The following PTPDC1 variants were observed in gnomAD, a reference collection of about 807,000 sequenced individuals.
PTPDC1 encodes protein tyrosine phosphatase domain containing 1, also known as protein tyrosine phosphatase domain-containing protein 1.
Under a neutral mutation model 75.3 loss-of-function variants are expected in PTPDC1, and 53 were observed. The ratio of observed to expected loss-of-function variants is 0.70; its 90% CI spans 0.56 to 0.88. The LOEUF is 0.88. Among genes scored for constraint, PTPDC1 ranks in the 40% least tolerant of loss-of-function variants. The pLI is 0.00. For synonymous variants in PTPDC1, 349 were observed against 366.2 expected (o/e 0.95, Z 0.54); for missense variants, 925 against 998.6 (o/e 0.93, Z 0.99).
intron 2 of PTPDC1, among the ~76,000 whole-genome samples, chr9:94,066,115 T>C (rs1826297004): frequency 6.6e-6 from 1 of 152,122 alleles, no homozygotes; most frequent in South Asian, 2.1e-4. Flanking sequence ...CCCCTACCAC[T>C]AAATCCAGTA....
rs138286067 is a variant in PTPDC1, at chr9:94,106,628, G to T, written c.2311-1200G>T. 5.9e-5 allele frequency among the ~76,000 whole-genome samples: 9 copies of T among 152,316 alleles called. No homozygotes were observed. The East Asian group carries it at 1.7e-3, about 29-fold the overall frequency. On this transcript the variant is annotated intron_variant, in intron 8 of 8. Coordinates refer to ENST00000620992, the MANE Select transcript of PTPDC1 (RefSeq NM_001253829.2). ...ATCTTCTACCAGTATCCATAACACT[G>T]GCAAGCTAACAGGTTAAGGTCTCAG...
intron 1 of PTPDC1, among the ~76,000 whole-genome samples, chr9:94,057,197 G>A (rs1825968593): frequency 6.6e-6 from 1 of 152,064 alleles, no homozygotes; most frequent in Non-Finnish European, 1.5e-5. Context: ...TCCCACCTCA[G>A]CCTCCCAAGT....
At chr9:94,046,651 G>C (rs1441595826) in intron 1 of PTPDC1, among the ~76,000 whole-genome samples, 1 of 152,130 alleles carries the variant, frequency 6.6e-6, no homozygotes, top group Non-Finnish European at 1.5e-5. Context: ...CTGTTTATCT[G>C]TTATTGGTGT....
At chr9:94,064,938 G>A in intron 2 of PTPDC1, 1 of 728,406 alleles carries the variant, frequency 1.4e-6, no homozygotes, top group Non-Finnish European at 2.2e-6. Flanking sequence ...ATCCCAGGTT[G>A]CAAGTATTAC....
intron 2 of PTPDC1, among the ~76,000 whole-genome samples, chr9:94,072,092 C>T (rs2117907989): frequency 6.6e-6 from 1 of 152,236 alleles, no homozygotes; most frequent in East Asian, 1.9e-4. Context: ...ACTGTAACCT[C>T]CACCTCCCAG....
intron 5 of PTPDC1, among the ~76,000 whole-genome samples, chr9:94,095,894 A>G (rs998083154): frequency 1.3e-5 from 2 of 152,234 alleles, no homozygotes; most frequent in Non-Finnish European, 2.9e-5. Context: ...AGTCTTTAGC[A>G]ACAATGTGAG....
At chr9:94,080,181 T>A (rs1826830804), upstream of PTPDC1, among the ~76,000 whole-genome samples, 1 of 152,122 alleles carries the variant, frequency 6.6e-6, no homozygotes, top group African/African-American at 2.4e-5. Context: ...CCAGATGGGA[T>A]GAGAGAGGCA....
chr9:94,095,732 C>G (rs1258676855), intron 5 of PTPDC1, among the ~76,000 whole-genome samples: 1 of 152,088 alleles, frequency 6.6e-6, no homozygotes, highest in Admixed American at 6.5e-5. Flanking sequence ...CTGATCTGAT[C>G]ACTATACATT....
intron 3 of PTPDC1, 62 bp from the exon 4 acceptor site, chr9:94,088,083 A>C: frequency 6.3e-7 from 1 of 1,579,754 alleles, no homozygotes; most frequent in Admixed American, 1.9e-5. Flanking sequence ...TTAATACCAA[A>C]AATGGTTAAT....
chr9:94,031,596 C>T (rs1381189057), intron 1 of PTPDC1, among the ~76,000 whole-genome samples: 1 of 152,072 alleles, frequency 6.6e-6, no homozygotes, highest in Non-Finnish European at 1.5e-5. Flanking sequence ...ATTTATCTCT[C>T]GGACATGCAT....
intron 1 of PTPDC1, among the ~76,000 whole-genome samples, chr9:94,050,980 G>C (rs1825772987): frequency 6.6e-6 from 1 of 152,202 alleles, no homozygotes; most frequent in Admixed American, 6.5e-5. Flanking sequence ...TTAGCAGTGA[G>C]TGAGGCTCCG....
chr9:94,107,854 A>G lies in PTPDC1; in HGVS notation c.2337A>G (p.Pro779=). 1 of 1,606,216 alleles carries G rather than the reference A, an allele frequency of 6.2e-7. No homozygotes were observed. Among genetic ancestry groups the G allele is most frequent in the Non-Finnish European group, 8.5e-7 (1 of 1,177,086 alleles). ...TKVNFDSENG[P]TVYNTLKKIF... ...TTAATTTTGATTCTGAAAATGGACC[A>G]ACAGTTTACAACACCCTGAAGAAAA... The change falls in exon 9 of 9, where the codon CCA becomes CCG. Residue 779 remains proline, a synonymous_variant. Coordinates refer to ENST00000620992, the MANE Select transcript of PTPDC1 (RefSeq NM_001253829.2).
chr9:94,063,491 C>A (rs1048626057), intron 1 of PTPDC1, among the ~76,000 whole-genome samples: 4 of 152,036 alleles, frequency 2.6e-5, no homozygotes, highest in African/African-American at 9.7e-5. Flanking sequence ...TAGTATGATA[C>A]CTGGTGTGTG....
In PTPDC1 at chr9:94,085,377, G is replaced by A. The variant is rs151059467; in HGVS notation, c.371G>A (p.Arg124His). The A allele has an allele frequency of 7.4e-6, 12 of 1,614,072 alleles. No homozygotes were observed. The highest frequency in any genetic ancestry group is 5.0e-5 in the Admixed American group (3 of 60,004). Residue 124 changes from arginine (R) to histidine (H), a missense_variant, in exon 2 of 9, where the codon CGC becomes CAC. Transcript: ENST00000620992. ...GCTTGCAAGTATGAGAACCCAGCCC[G>A]CTGGAGTGAGCAGGAGCAAGCCATT... ...GRACKYENPA[R>H]WSEQEQAIKG... is the part of the protein sequence containing the mutation.
rs184452944 is a variant in PTPDC1 at position 94,045,687 on chromosome 9, G to C, written c.-7+14560G>C. ...ATATCCTTTGCCCACTTTTTGACAG[G>C]GTTGTTTGTTTTTTTCTTATAAATT... On this transcript the variant is annotated intron_variant, in intron 1 of 9. Transcript: ENST00000375360. Among the ~76,000 whole-genome samples the C allele has an allele frequency of 2.7e-3, 411 of 152,180 alleles. 2 individuals are homozygous for C. The highest frequency in any genetic ancestry group is 9.5e-3 in the African/African-American group (394 of 41,504).
At chr9:94,082,584 C>G (rs374373119), upstream of PTPDC1, among the ~76,000 whole-genome samples, 18 of 152,226 alleles carry the variant, frequency 1.2e-4, no homozygotes, top group East Asian at 3.1e-3. Flanking sequence ...GTTCTCGTGT[C>G]CAGAGGTGGG....
intron 1 of PTPDC1, chr9:94,038,183 G>A (rs1193279947): frequency 8.5e-6 from 6 of 704,992 alleles, no homozygotes; most frequent in East Asian, 5.4e-5. Context: ...TTACACAGAC[G>A]CCAATAAAAA....
chr9:94,094,346 G>C (rs1421529309), intron 4 of PTPDC1, among the ~76,000 whole-genome samples: 2 of 94,462 alleles, frequency 2.1e-5, no homozygotes, highest in African/African-American at 1.5e-4. Context: ...TGCCGTGTGA[G>C]GTGTCAGTGT....
Position 94,084,651 on chromosome 9 carries a change from T to TG in PTPDC1, c.121_122insG (p.Ser41CysfsTer41). On this transcript the variant is annotated frameshift_variant, in exon 1 of 9. Coordinates refer to ENST00000620992, the MANE Select transcript of PTPDC1 (RefSeq NM_001253829.2). LOFTEE classifies it high-confidence loss of function. ...GCGGCTGCAGCAGGCCCGGCGGGGC[T>TG]CTGGCTTGGGCTCCGGCTCTGCCAC... The TG allele has an allele frequency of 6.2e-7, 1 of 1,613,264 alleles. No homozygotes were observed. The highest frequency in any genetic ancestry group is 1.7e-4 in the Middle Eastern group (1 of 6,052).
Sources: allele counts gnomAD v4.1 joint callset (sites outside exome capture counted in the v4.1 genomes callset), GRCh38; gene constraint gnomAD v4.1.1; transcripts MANE v1.5; gene names NCBI Gene and HGNC (gene_info 2026-07-23, HGNC 2026-07-21).